The following AGK variants were observed in gnomAD, a reference collection of about 807,000 sequenced individuals.
The protein encoded by AGK is acylglycerol kinase, mitochondrial.
Under a neutral mutation model 66.4 loss-of-function variants are expected in AGK, and 52 were observed. That is an observed-to-expected ratio of 0.78 (90% CI 0.63 to 0.99). The LOEUF (loss-of-function observed/expected upper bound fraction) is 0.99, where lower values mean the gene tolerates loss of function less well. Among genes scored for constraint, AGK ranks in the 50% least tolerant of loss-of-function variants. The probability of loss-of-function intolerance (pLI) is 0.00; values close to 1 mark genes in which losing one functional copy is unlikely to be tolerated. For synonymous variants in AGK, 182 were observed against 181.1 expected (o/e 1.00, Z -0.04); for missense variants, 451 against 506.6 (o/e 0.89, Z 1.05).
At chr7:141,556,962 G>A (rs949702019) in intron 2 of AGK, among the ~76,000 whole-genome samples, 6 of 152,236 alleles carry the variant, frequency 3.9e-5, no homozygotes, top group African/African-American at 1.2e-4. Flanking sequence ...AAACAGAGAA[G>A]TTTTTTTGTA....
chr7:141,633,787 T>C (rs1363692600), intron 9 of AGK, 114 bp from the exon 10 acceptor site: 1 of 867,688 alleles, frequency 1.2e-6, no homozygotes, highest in African/African-American at 1.7e-5. Context: ...GAGCAGACTT[T>C]TTAGAATTTT....
intron 14 of AGK, chr7:141,650,365 C>A: frequency 4.7e-6 from 1 of 214,696 alleles, no homozygotes. Flanking sequence ...CTTTATGATA[C>A]TGGTATCCAG....
chr7:141,554,183 A>G (rs1430662011), intron 1 of AGK, among the ~76,000 whole-genome samples: 1 of 151,928 alleles, frequency 6.6e-6, no homozygotes, highest in Admixed American at 6.6e-5. Context: ...CTAACAAAAA[A>G]AGGAAAGAAA....
At position 141,601,226 on chromosome 7, in the gene AGK, A is replaced by G. The variant is rs745864268; in HGVS notation, c.243A>G (p.Glu81=). 5 of 1,613,008 alleles carry G rather than the reference A, an allele frequency of 3.1e-6. No individual in the cohort carries two copies. The Admixed American group carries it at 6.7e-5, about 22-fold the overall frequency. Residue 81 remains glutamate (E), a synonymous_variant, in exon 5 of 16, where the codon GAA becomes GAG. Coordinates refer to ENST00000649286, the MANE Select transcript of AGK (RefSeq NM_018238.4). ...ACAGAAAAGCCAGGACTCTATTTGAAAAAAATGCTGCCCCGATTTTACATT... is the reference window on the plus strand; with the variant it reads ...ACAGAAAAGCCAGGACTCTATTTGAGAAAAATGCTGCCCCGATTTTACATT... The part of the protein sequence containing the change: ...ACKGKARTLF[E]KNAAPILHLS...
chr7:141,552,104 A>G (rs550282097), intron 1 of AGK, among the ~76,000 whole-genome samples: 1 of 152,232 alleles, frequency 6.6e-6, no homozygotes, highest in Non-Finnish European at 1.5e-5. Context: ...GCCAATTTCT[A>G]CTTTCTAAAG....
chr7:141,637,898 A>G (rs993107336), intron 11 of AGK, among the ~76,000 whole-genome samples: 3 of 152,228 alleles, frequency 2.0e-5, no homozygotes, highest in African/African-American at 7.2e-5. Flanking sequence ...CTAGAAGTAA[A>G]TGTATGTGAT....
intron 13 of AGK, among the ~76,000 whole-genome samples, chr7:141,647,074 C>G (rs1465726219): frequency 6.6e-6 from 1 of 151,216 alleles, no homozygotes; most frequent in Non-Finnish European, 1.5e-5. Flanking sequence ...CTAACTACCC[C>G]CCCACCCAGC....
chr7:141,635,578 C>T (rs1015169555), intron 10 of AGK, among the ~76,000 whole-genome samples: 6 of 152,108 alleles, frequency 3.9e-5, no homozygotes, highest in Admixed American at 3.9e-4. Context: ...TATATCTAAG[C>T]TCTTTGTCTG....
chr7:141,622,416 A>T (rs1437427491), intron 9 of AGK, among the ~76,000 whole-genome samples: 1 of 152,338 alleles, frequency 6.6e-6, no homozygotes, highest in East Asian at 1.9e-4. Context: ...AAGCAAGTCT[A>T]CCAGTGTCAT....
intron 1 of AGK, among the ~76,000 whole-genome samples, chr7:141,552,826 A>C (rs1795124850): frequency 6.6e-6 from 1 of 152,208 alleles, no homozygotes; most frequent in African/African-American, 2.4e-5. Context: ...ACACAGGTAC[A>C]CAGAGAAGAA....
chr7:141,593,069 A>C lies in AGK; in HGVS notation c.102-77A>C, dbSNP rs1285223104. The C allele has an allele frequency of 8.9e-5, 119 of 1,339,932 alleles. 1 individual carries two copies. The highest frequency in any genetic ancestry group is 1.2e-5 in the South Asian group (1 of 81,650). The allele number at this position is 1,339,932 out of a possible 1,614,324, so 83.0% of individuals were successfully genotyped here. On this transcript the variant is annotated intron_variant, in intron 2 of 15. Coordinates refer to ENST00000649286, the MANE Select transcript of AGK (RefSeq NM_018238.4). Reference sequence around the variant, plus strand: ...AGAGAAGAGGTGCCTATATTAAAAAATTAAAAAGCTCACAAATTTTGTTTG... The same window carrying C: ...AGAGAAGAGGTGCCTATATTAAAAACTTAAAAAGCTCACAAATTTTGTTTG...
chr7:141,585,215 C>G (rs1795972197), intron 2 of AGK, among the ~76,000 whole-genome samples: 1 of 152,328 alleles, frequency 6.6e-6, no homozygotes, highest in African/African-American at 2.4e-5. Flanking sequence ...GCATTTCCTC[C>G]TGCTGGATCA....
At chr7:141,584,880 ATAT>A in intron 2 of AGK, among the ~76,000 whole-genome samples, 1 of 152,170 alleles carries the variant, frequency 6.6e-6, no homozygotes, top group South Asian at 2.1e-4. Flanking sequence ...ACCACTTAAT[ATAT>A]GGTTGTCAAT....
At chr7:141,627,155 G>A (rs1019049894) in intron 9 of AGK, among the ~76,000 whole-genome samples, 1 of 152,154 alleles carries the variant, frequency 6.6e-6, no homozygotes, top group African/African-American at 2.4e-5. Context: ...AACTTTGAGG[G>A]TAAGAAGGTC....
At chr7:141,623,310 C>G (rs1796863750) in intron 9 of AGK, among the ~76,000 whole-genome samples, 1 of 146,170 alleles carries the variant, frequency 6.8e-6, no homozygotes, top group Admixed American at 7.1e-5. Flanking sequence ...ACCCGGGAGG[C>G]AGAGGTTGCG....
chr7:141,602,368 A>G lies in AGK; in HGVS notation c.297+1088A>G, dbSNP rs769820868. On this transcript the variant is annotated intron_variant, in intron 5 of 15. Coordinates refer to ENST00000649286, the MANE Select transcript of AGK (RefSeq NM_018238.4). ...CTTTTTTAAATTTTTAATGTACATT[A>G]AATTTCTTTAACAGTTCTAGAAGTA... Among the ~76,000 whole-genome samples, 8 of 152,202 alleles carry G rather than the reference A, an allele frequency of 5.3e-5. No individual in the cohort carries two copies. The East Asian group carries it at 1.5e-3, about 29-fold the overall frequency.
At chr7:141,615,955 C>G (rs913246253) in intron 8 of AGK, 2 of 163,288 alleles carry the variant, frequency 1.2e-5, no homozygotes, top group African/African-American at 4.8e-5. Flanking sequence ...GAACTAGTAG[C>G]CTGGCTTCAT....
At chr7:141,605,097 C>A (rs964388109) in intron 5 of AGK, among the ~76,000 whole-genome samples, 3 of 151,996 alleles carry the variant, frequency 2.0e-5, no homozygotes, top group African/African-American at 7.3e-5. Flanking sequence ...ATATGTATGA[C>A]AGTCCTGTGA....
chr7:141,569,255 G>C (rs1795541656), intron 2 of AGK, among the ~76,000 whole-genome samples: 1 of 152,150 alleles, frequency 6.6e-6, no homozygotes, highest in African/African-American at 2.4e-5. Context: ...ATAATGATAG[G>C]CTGGGCGTGG....
Sources: gnomAD v4.1 joint callset for allele counts (sites outside exome capture counted in the v4.1 genomes callset) on GRCh38, gnomAD v4.1.1 for gene constraint, MANE v1.5 for transcripts, NCBI Gene and HGNC (gene_info 2026-07-23, HGNC 2026-07-21) for gene names.